DZIP1L: variants seen among roughly 807,000 people sequenced by gnomAD.
DZIP1L encodes the protein DAZ interacting zinc finger protein 1 like, also known as cilium assembly protein DZIP1L.
Under a neutral mutation model 88.7 loss-of-function variants are expected in DZIP1L, and 90 were observed. The observed-to-expected ratio is 1.02, with a 90% CI of 0.86 to 1.21. The LOEUF (loss-of-function observed/expected upper bound fraction) is 1.21, where lower values mean the gene tolerates loss of function less well. DZIP1L is among the 50% of genes most tolerant of loss of function. The pLI, the probability that DZIP1L is intolerant of heterozygous loss-of-function variation, is 0.00. For synonymous variants in DZIP1L, 363 were observed against 372.1 expected (o/e 0.98, Z 0.28); for missense variants, 932 against 955.8 (o/e 0.98, Z 0.33).
At chr3:138,114,007 T>TGCAGAATTGTAAAACAAACAA (rs554449243) in intron 1 of DZIP1L, among the ~76,000 whole-genome samples, 4,007 of 152,336 alleles carry the variant, frequency 0.026, 69 homozygotes, top group Middle Eastern at 0.054. Flanking sequence ...TCTTCCCAGA[T>TGCAGAATTGTAAAACAAACAA]GCAGAATTGT....
chr3:138,114,236 C>T (rs1326535753), intron 1 of DZIP1L, among the ~76,000 whole-genome samples: 2 of 152,210 alleles, frequency 1.3e-5, no homozygotes, highest in Non-Finnish European at 2.9e-5. Context: ...GCAGCCTTTC[C>T]CTGCTCCTAT....
chr3:138,076,640 C>T (rs919231291), intron 11 of DZIP1L, among the ~76,000 whole-genome samples: 7 of 152,148 alleles, frequency 4.6e-5, no homozygotes. Context: ...GACTATTATT[C>T]TAAGTGAACT....
chr3:138,092,816 C>A (rs1372761221), intron 4 of DZIP1L, among the ~76,000 whole-genome samples: 1 of 152,200 alleles, frequency 6.6e-6, no homozygotes, highest in Non-Finnish European at 1.5e-5. Flanking sequence ...TTAGTTTTAT[C>A]ATGAGGTTGC....
rs533903119 is a variant in DZIP1L at position 138,092,404 on chromosome 3, C to T, written c.849G>A (p.Lys283=). The T allele has an allele frequency of 1.3e-6, 2 of 1,599,132 alleles. No individual in the cohort carries two copies. The highest frequency in any genetic ancestry group is 2.3e-5 in the East Asian group (1 of 44,406). ...LFWDEFKNVA[K]QNSTLEEKLR... ...GTACCTCTTCTAGTGTAGAGTTCTGCTTGGCGACATTTTTAAATTCATCCC... is the reference window on the plus strand; with the variant it reads ...GTACCTCTTCTAGTGTAGAGTTCTGTTTGGCGACATTTTTAAATTCATCCC... Residue 283 remains lysine, a synonymous_variant, in exon 5 of 16, where the codon AAG becomes AAA. Coordinates refer to ENST00000327532, the MANE Select transcript of DZIP1L (RefSeq NM_173543.3).
At chr3:138,115,096 C>A (rs2042670808) in intron 1 of DZIP1L, among the ~76,000 whole-genome samples, 1 of 152,120 alleles carries the variant, frequency 6.6e-6, no homozygotes, top group African/African-American at 2.4e-5. Context: ...CAGTTCGGAG[C>A]AGGCCGAGGG....
intron 7 of DZIP1L, among the ~76,000 whole-genome samples, chr3:138,084,500 A>G (rs1415631290): frequency 2.0e-5 from 3 of 152,254 alleles, no homozygotes; most frequent in African/African-American, 7.2e-5. Context: ...CCATTGAAGA[A>G]CAGTCAGATA....
chr3:138,065,404 G>T (rs929259127), intron 14 of DZIP1L, among the ~76,000 whole-genome samples: 2 of 152,200 alleles, frequency 1.3e-5, no homozygotes, highest in African/African-American at 2.4e-5. Context: ...TGTTTGTTAA[G>T]GGCCTACGAT....
chr3:138,111,902 G>A (rs1262247110), intron 1 of DZIP1L, among the ~76,000 whole-genome samples: 2 of 152,002 alleles, frequency 1.3e-5, no homozygotes, highest in Non-Finnish European at 2.9e-5. Context: ...GGCTGAAGCA[G>A]GAGAACTGCT....
chr3:138,102,277 G>C, intron 2 of DZIP1L: 1 of 1,443,532 alleles, frequency 6.9e-7, no homozygotes, highest in Admixed American at 1.7e-5. Context: ...AGCCCTTCCA[G>C]GCGAGACTCC....
intron 14 of DZIP1L, among the ~76,000 whole-genome samples, chr3:138,065,138 TATC>T (rs1468666066): frequency 2.6e-5 from 4 of 152,100 alleles, no homozygotes. Context: ...CAAGAAGAAA[TATC>T]ATAAAGATTA....
At chr3:138,080,461 C>T in intron 10 of DZIP1L, 106 bp downstream of exon 10, 1 of 1,272,564 alleles carries the variant, frequency 7.9e-7, no homozygotes, top group Non-Finnish European at 1.1e-6. Context: ...CCCTCCACTC[C>T]AGCTTCGGAT....
At chr3:138,089,124 A>T (rs972775138) in intron 5 of DZIP1L, 5 of 985,476 alleles carry the variant, frequency 5.1e-6, no homozygotes, top group Non-Finnish European at 4.8e-6. Flanking sequence ...TTCTATCTGT[A>T]TGACTGTATA....
chr3:138,109,470 CAT>C (rs984406263), intron 1 of DZIP1L, among the ~76,000 whole-genome samples: 5 of 152,160 alleles, frequency 3.3e-5, no homozygotes, highest in Non-Finnish European at 7.4e-5. Flanking sequence ...AAGGTTGACA[CAT>C]GTTTCAAGGC....
At position 138,092,494 on chromosome 3, in the gene DZIP1L, A is replaced by G; in HGVS notation, c.759T>C (p.Asp253=). ...QREIEAKKEF[D]KWKEQEWTKL... ...TGGTCCACTCTTGCTCTTTCCATTT[A>G]TCAAATTCTTTCTTAGCTTCTATTT... Residue 253 remains aspartate, a synonymous_variant, in exon 5 of 16, where the codon GAT becomes GAC. Coordinates refer to ENST00000327532, the MANE Select transcript of DZIP1L (RefSeq NM_173543.3). The G allele has an allele frequency of 6.2e-7, 1 of 1,602,376 alleles. No homozygotes were observed. The highest frequency in any genetic ancestry group is 1.1e-5 in the South Asian group (1 of 87,228).
chr3:138,081,057 G>C (rs192380122), intron 9 of DZIP1L, among the ~76,000 whole-genome samples: 2 of 152,132 alleles, frequency 1.3e-5, no homozygotes, highest in African/African-American at 4.8e-5. Context: ...CTGGCTACAC[G>C]GCTGGGAAGG....
chr3:138,113,784 G>C (rs575150920), intron 1 of DZIP1L, among the ~76,000 whole-genome samples: 1 of 152,158 alleles, frequency 6.6e-6, no homozygotes. Flanking sequence ...GCGAGACAAA[G>C]GTCCCCTCAA....
rs572225990 is a variant in DZIP1L, at chr3:138,062,928, G to A, written c.2192C>T (p.Pro731Leu). 1 of 1,614,168 alleles carries A rather than the reference G, an allele frequency of 6.2e-7. No homozygotes were observed. The highest frequency in any genetic ancestry group is 1.3e-5 in the African/African-American group (1 of 75,038). Residue 731 changes from proline (P) to leucine (L), a missense_variant, in exon 16 of 16, where the codon CCT becomes CTT. Pro to Leu is a moderately conservative substitution (Grantham distance 98). Transcript: ENST00000327532. The stretch of plus-strand genomic sequence containing the variant: ...TTTCTCTCTCTGGTCCAGGTCCAGA[G>A]GAAGATCTTCCAAGGAGGAGATCTC... ...DLEISSLEDL[P>L]LDLDQREKPK...
chr3:138,063,107 G>A lies in DZIP1L; in HGVS notation c.2143-130C>T, dbSNP rs1942762320. ...AATGCAGACTGGGAAGAAAGCAATA[G>A]GGAGATGCTACTCCTCCTGACTTCT... On this transcript the variant is annotated intron_variant, in intron 15 of 15. Coordinates refer to ENST00000327532, the MANE Select transcript of DZIP1L (RefSeq NM_173543.3). This position sits in a 1 kb window ranked among gnomAD's most constrained non-coding sequence, Gnocchi z 4.1. The A allele has an allele frequency of 6.0e-6, 6 of 1,007,902 alleles. No individual in the cohort carries two copies. In the South Asian group the frequency reaches 6.3e-5, roughly 11 times the overall value. 62.4% of individuals were successfully genotyped at this position (1,007,902 alleles called of 1,614,324 possible). A position where few individuals can be genotyped will look rare whatever the true frequency, so the allele number is the denominator to read the frequency against.
chr3:138,092,870 C>A (rs1576478801), intron 4 of DZIP1L, among the ~76,000 whole-genome samples: 1 of 152,322 alleles, frequency 6.6e-6, no homozygotes, highest in East Asian at 1.9e-4. Flanking sequence ...AAGTCTAGTT[C>A]TCTTGCTATT....
Sources: gnomAD v4.1 joint callset for allele counts (sites outside exome capture counted in the v4.1 genomes callset) on GRCh38, gnomAD v4.1.1 for gene constraint, Gnocchi (gnomAD v3.1) non-coding constraint, MANE v1.5 for transcripts, NCBI Gene and HGNC (gene_info 2026-07-23, HGNC 2026-07-21) for gene names.